Variants in KSR1 observed in about 807,000 individuals in gnomAD.
The protein encoded by KSR1 is kinase suppressor of ras 1.
A neutral mutation model predicts 92.9 loss-of-function variants in KSR1; 35 were observed. That is an observed-to-expected ratio of 0.38 (90% CI 0.29 to 0.50). The LOEUF (loss-of-function observed/expected upper bound fraction) is 0.50. Ranked by LOEUF, KSR1 falls within the 20% of genes least tolerant of loss-of-function variation. The pLI is 0.94. For synonymous variants in KSR1, 467 were observed against 472.6 expected, an observed-to-expected ratio of 0.99 and a Z score of 0.15; for missense variants, 972 against 1,158.5, an observed-to-expected ratio of 0.84 and a Z score of 2.34.
chr17:27,601,455 C>T, intron 11 of KSR1, 54 bp downstream of exon 11: 1 of 1,516,434 alleles, frequency 6.6e-7, no homozygotes, highest in Non-Finnish European at 9.1e-7. Context: ...CCCTTCTGTC[C>T]TGCCCACCTG....
chr17:27,598,230 G>A (rs1018598962), intron 10 of KSR1, among the ~76,000 whole-genome samples: 1 of 152,140 alleles, frequency 6.6e-6, no homozygotes, highest in South Asian at 2.1e-4. Context: ...ATTACAGTTC[G>A]CAGTCCCAGA....
chr17:27,525,781 A>G (rs1028579473), intron 1 of KSR1, among the ~76,000 whole-genome samples: 1 of 152,146 alleles, frequency 6.6e-6, no homozygotes, highest in African/African-American at 2.4e-5. Flanking sequence ...CTGAAAGAGG[A>G]TGAGGTAGTT....
At chr17:27,552,736 A>G (rs1174532055) in intron 2 of KSR1, among the ~76,000 whole-genome samples, 2 of 152,220 alleles carry the variant, frequency 1.3e-5, no homozygotes, top group Admixed American at 6.5e-5. Flanking sequence ...TTGTGCTGCC[A>G]GGAGCCTGAG....
chr17:27,500,654 A>C (rs764094350), intron 1 of KSR1, among the ~76,000 whole-genome samples: 3 of 152,238 alleles, frequency 2.0e-5, no homozygotes, highest in Non-Finnish European at 4.4e-5. Flanking sequence ...GCGTTACGAC[A>C]ACTGAAAATT....
intron 1 of KSR1, chr17:27,526,459 T>TC: frequency 1.3e-6 from 2 of 1,583,712 alleles, no homozygotes; most frequent in East Asian, 2.2e-5. Context: ...TAGTTTTTTT[T>TC]CCCAATACAT....
chr17:27,544,418 A>C (rs1466739405), intron 1 of KSR1, among the ~76,000 whole-genome samples: 2 of 152,168 alleles, frequency 1.3e-5, no homozygotes, highest in African/African-American at 4.8e-5. Context: ...AAGATCTTTG[A>C]TTTTAGATGT....
chr17:27,466,461 G>T (rs749089161), intron 1 of KSR1, among the ~76,000 whole-genome samples: 1 of 152,188 alleles, frequency 6.6e-6, no homozygotes, highest in Non-Finnish European at 1.5e-5. Context: ...CTGCCTGCCT[G>T]CCTGCCTGGA....
chr17:27,558,524 A>G (rs1442036156), intron 2 of KSR1, among the ~76,000 whole-genome samples: 1 of 151,984 alleles, frequency 6.6e-6, no homozygotes, highest in African/African-American at 2.4e-5. Context: ...CTGAACGAAG[A>G]TGAGAGCCCG....
chr17:27,559,863 C>T lies in KSR1; in HGVS notation c.372+9155C>T, dbSNP rs187935854. Among the ~76,000 whole-genome samples, 75 of 152,296 alleles carry T rather than the reference C, an allele frequency of 4.9e-4. No homozygotes were observed. The highest frequency in any genetic ancestry group is 1.4e-3 in the African/African-American group (60 of 41,568). ...GTCTGTGAGGAGGCTGGCGGGGAGC[C>T]GGGGTGGATTCCTGCAGCTCTCCCT... On this transcript the variant is annotated intron_variant, in intron 2 of 20. Coordinates refer to ENST00000644974, the MANE Select transcript of KSR1 (RefSeq NM_001394583.1). The surrounding 1 kb of genome is among the most constrained non-coding windows in gnomAD (Gnocchi z 4.2).
At chr17:27,616,516 C>G (rs922703494) in intron 18 of KSR1, among the ~76,000 whole-genome samples, 2 of 152,084 alleles carry the variant, frequency 1.3e-5, no homozygotes, top group Admixed American at 6.5e-5. Context: ...ACATGTACAC[C>G]CCATATCCTC....
At chr17:27,596,715 C>G (rs183947479) in intron 9 of KSR1, among the ~76,000 whole-genome samples, 13 of 152,346 alleles carry the variant, frequency 8.5e-5, no homozygotes, top group African/African-American at 2.6e-4. Flanking sequence ...AAGGACTGTA[C>G]ACCTCTCGCT....
At chr17:27,583,456 C>G (rs905053044) in intron 4 of KSR1, among the ~76,000 whole-genome samples, 2 of 152,246 alleles carry the variant, frequency 1.3e-5, no homozygotes, top group Non-Finnish European at 2.9e-5. Flanking sequence ...CATGGGTCAG[C>G]CTCCTTCCGG....
intron 2 of KSR1, among the ~76,000 whole-genome samples, chr17:27,567,733 G>A (rs2072139920): frequency 6.6e-6 from 1 of 152,256 alleles, no homozygotes; most frequent in Non-Finnish European, 1.5e-5. Context: ...CACTTGGGCA[G>A]GGAATGCGTG....
intron 1 of KSR1, among the ~76,000 whole-genome samples, chr17:27,549,177 G>A (rs916451713): frequency 6.6e-6 from 1 of 152,238 alleles, no homozygotes; most frequent in Non-Finnish European, 1.5e-5. Flanking sequence ...GGACAGCAGG[G>A]TTGAGAAGTG....
At chr17:27,474,772 G>C (rs889338604) in intron 1 of KSR1, among the ~76,000 whole-genome samples, 2 of 152,112 alleles carry the variant, frequency 1.3e-5, no homozygotes, top group Admixed American at 6.5e-5. Context: ...TGGAACTTAC[G>C]CTTCAGTGTT....
intron 2 of KSR1, among the ~76,000 whole-genome samples, chr17:27,574,179 T>A (rs933084166): frequency 3.3e-5 from 5 of 152,226 alleles, no homozygotes; most frequent in African/African-American, 1.2e-4. Flanking sequence ...GTGCTTACCC[T>A]GACGGTATCG....
chr17:27,486,867 C>G (rs1378363749), intron 1 of KSR1, among the ~76,000 whole-genome samples: 1 of 152,192 alleles, frequency 6.6e-6, no homozygotes, highest in Non-Finnish European at 1.5e-5. Flanking sequence ...CACTCACTTG[C>G]TGGGCAGCCT....
intron 10 of KSR1, among the ~76,000 whole-genome samples, chr17:27,600,819 A>C (rs966521725): frequency 6.6e-6 from 1 of 152,042 alleles, no homozygotes; most frequent in African/African-American, 2.4e-5. Context: ...AGGTTAGCCA[A>C]CTCCCTAAGG....
intron 1 of KSR1, among the ~76,000 whole-genome samples, chr17:27,534,120 G>A (rs2070663413): frequency 6.6e-6 from 1 of 152,220 alleles, no homozygotes; most frequent in African/African-American, 2.4e-5. Context: ...TGCACAGACT[G>A]TGCTCAGAGG....
Sources: gnomAD v4.1 joint callset for allele counts (sites outside exome capture counted in the v4.1 genomes callset) on GRCh38, gnomAD v4.1.1 for gene constraint, Gnocchi (gnomAD v3.1) non-coding constraint, MANE v1.5 for transcripts, NCBI Gene and HGNC (gene_info 2026-07-23, HGNC 2026-07-21) for gene names.